LMO1: variants seen among roughly 807,000 people sequenced by gnomAD.
LMO1 encodes the protein rhombotin-1.
Under a neutral mutation model 18.0 loss-of-function variants are expected in LMO1, and 10 were observed. The ratio of observed to expected loss-of-function variants is 0.55; its 90% CI spans 0.34 to 0.94. The LOEUF (loss-of-function observed/expected upper bound fraction) is 0.94, where lower values mean the gene tolerates loss of function less well. Among genes scored for constraint, LMO1 ranks in the 40% least tolerant of loss-of-function variants. LMO1 has a pLI of 0.02. For synonymous variants in LMO1, 77 were observed against 77.9 expected (o/e 0.99, Z 0.06); for missense variants, 183 against 205.7 (o/e 0.89, Z 0.68).
chr11:8,253,019 T>C (rs530643340), intron 1 of LMO1, among the ~76,000 whole-genome samples: 2 of 152,210 alleles, frequency 1.3e-5, no homozygotes, highest in Admixed American at 1.3e-4. Flanking sequence ...TGCAGACAGC[T>C]CTCTGCCTGA....
chr11:8,235,166 G>C (rs1406294249), intron 1 of LMO1, among the ~76,000 whole-genome samples: 1 of 152,158 alleles, frequency 6.6e-6, no homozygotes, highest in Non-Finnish European at 1.5e-5. Context: ...ATCCCTGCTC[G>C]GGCACTTGCT....
chr11:8,265,032 G>A (rs1313346572), upstream of LMO1, among the ~76,000 whole-genome samples: 1 of 152,226 alleles, frequency 6.6e-6, no homozygotes, highest in East Asian at 1.9e-4. Context: ...AGCCCAAGGA[G>A]GGCTCCAGAC....
At chr11:8,265,028 A>G (rs1847246938), upstream of LMO1, among the ~76,000 whole-genome samples, 1 of 152,246 alleles carries the variant, frequency 6.6e-6, no homozygotes, top group African/African-American at 2.4e-5. Context: ...CTTCAGCCCA[A>G]GGAGGGCTCC....
At chr11:8,261,016 T>C (rs1400397780) in intron 1 of LMO1, among the ~76,000 whole-genome samples, 2 of 152,138 alleles carry the variant, frequency 1.3e-5, no homozygotes, top group Non-Finnish European at 2.9e-5. Context: ...CCTCCCCCAA[T>C]TGAAGATGCC....
chr11:8,251,309 G>A (rs144703647), intron 1 of LMO1, among the ~76,000 whole-genome samples: 126 of 152,278 alleles, frequency 8.3e-4, no homozygotes, highest in African/African-American at 2.6e-3. Context: ...TCCCAGCCCC[G>A]TGCTCACCAG....
At chr11:8,245,037 C>T (rs1164552139) in intron 1 of LMO1, among the ~76,000 whole-genome samples, 4 of 152,196 alleles carry the variant, frequency 2.6e-5, no homozygotes, top group Non-Finnish European at 5.9e-5. Flanking sequence ...GTATCATGCC[C>T]GGCACTTCAT....
intron 1 of LMO1, among the ~76,000 whole-genome samples, chr11:8,253,791 G>A (rs1847044106): frequency 6.6e-6 from 1 of 151,916 alleles, no homozygotes; most frequent in Admixed American, 6.6e-5. Flanking sequence ...CCTTTCTGGG[G>A]TACCCCACGA....
intron 1 of LMO1, 40 bp from the exon 2 acceptor site, chr11:8,230,544 C>CGT: frequency 6.4e-7 from 1 of 1,574,402 alleles, no homozygotes; most frequent in Non-Finnish European, 8.7e-7. Context: ...GGATGGGCCC[C>CGT]GTAGCTCTGG....
chr11:8,255,624 C>A (rs1243318477), intron 1 of LMO1, among the ~76,000 whole-genome samples: 2 of 152,212 alleles, frequency 1.3e-5, no homozygotes, highest in Non-Finnish European at 2.9e-5. Context: ...TCCAACTGAT[C>A]AGCCATCCTC....
rs570033970 is a variant in LMO1, at chr11:8,245,180, T to C, written c.26-14676A>G. On this transcript the variant is annotated intron_variant, in intron 1 of 3. Transcript: ENST00000335790. ...AGTCACACAGCTCAAAATGGACTTT[T>C]GTAGCATCCTTTGCCCTCCTACAGC... is the stretch of plus-strand genomic sequence containing the variant. 3.9e-5 allele frequency among the ~76,000 whole-genome samples: 6 copies of C among 152,312 alleles called. No individual in the cohort carries two copies. In the South Asian group the frequency reaches 1.2e-3, roughly 32 times the overall value.
At chr11:8,230,651 A>C in intron 1 of LMO1, 147 bp from the exon 2 acceptor site, 2 of 763,048 alleles carry the variant, frequency 2.6e-6, no homozygotes, top group Admixed American at 5.0e-5. Context: ...TTTCTCCCCA[A>C]TAACCTCCTC....
At position 8,263,464 on chromosome 11, in the gene LMO1, G is replaced by A. The variant is rs541039801; in HGVS notation, c.-102C>T. ...CGGCCGGTCTTCGGGCAGCTAGCGG[G>A]CTCTAATTACCCGCTTGTCCGGCTC... On this transcript the variant is annotated 5_prime_UTR_variant, in exon 1 of 4. Coordinates refer to ENST00000335790, the MANE Select transcript of LMO1 (RefSeq NM_002315.3). The A allele has an allele frequency of 6.5e-7, 1 of 1,548,228 alleles. No homozygotes were observed.
chr11:8,245,202 C>G (rs1326281839), intron 1 of LMO1, among the ~76,000 whole-genome samples: 1 of 152,172 alleles, frequency 6.6e-6, no homozygotes, highest in Non-Finnish European at 1.5e-5. Flanking sequence ...TGCCCTCCTA[C>G]AGCATGCTCC....
chr11:8,238,478 T>C (rs1050216805), intron 1 of LMO1, among the ~76,000 whole-genome samples: 1 of 152,114 alleles, frequency 6.6e-6, no homozygotes, highest in Admixed American at 6.5e-5. Context: ...GAGCCCATCC[T>C]GGCTAACACG....
chr11:8,261,251 G>A (rs1307036932), intron 1 of LMO1, among the ~76,000 whole-genome samples: 1 of 152,168 alleles, frequency 6.6e-6, no homozygotes, highest in Non-Finnish European at 1.5e-5. Context: ...TGGACAGGCT[G>A]GGGATGGAGG....
intron 1 of LMO1, among the ~76,000 whole-genome samples, chr11:8,241,782 G>A (rs1418389377): frequency 7.3e-6 from 1 of 136,770 alleles, no homozygotes; most frequent in Non-Finnish European, 1.5e-5. Context: ...TTTTCTGTGA[G>A]TTTCAAAAAA....
rs57712089 is a variant in LMO1, at chr11:8,240,835, C to T, written c.26-10331G>A. ...GATCATAGAGAGCTTGCAGGAAGGC[C>T]TGGATGTAATTCTGGAGCATAGTGA... is the stretch of plus-strand genomic sequence containing the variant. On this transcript the variant is annotated intron_variant, in intron 1 of 3. Coordinates refer to ENST00000335790, the MANE Select transcript of LMO1 (RefSeq NM_002315.3). Among the ~76,000 whole-genome samples the T allele has an allele frequency of 7.9e-5, 12 of 152,194 alleles. No homozygotes were observed. In the East Asian group the frequency reaches 2.3e-3, roughly 29 times the overall value.
intron 1 of LMO1, among the ~76,000 whole-genome samples, chr11:8,248,203 G>A (rs1846928158): frequency 6.6e-6 from 1 of 152,232 alleles, no homozygotes; most frequent in African/African-American, 2.4e-5. Context: ...AGGCCCTCAT[G>A]CCGCTGCCGT....
At chr11:8,253,655 C>T (rs1414493887) in intron 1 of LMO1, among the ~76,000 whole-genome samples, 1 of 152,034 alleles carries the variant, frequency 6.6e-6, no homozygotes, top group Non-Finnish European at 1.5e-5. Flanking sequence ...GGAGAGGACA[C>T]GCAGGATGGA....
Sources: allele counts gnomAD v4.1 joint callset (sites outside exome capture counted in the v4.1 genomes callset), GRCh38; gene constraint gnomAD v4.1.1; transcripts MANE v1.5; gene names NCBI Gene and HGNC (gene_info 2026-07-23, HGNC 2026-07-21).